ALDH3A1: variants seen among roughly 807,000 people sequenced by gnomAD.
ALDH3A1 encodes the protein aldehyde dehydrogenase 3 family member A1.
ALDH3A1 carries 46 observed loss-of-function variants against 49.9 expected under a neutral mutation model. The observed-to-expected ratio is 0.92, with a 90% CI of 0.73 to 1.18. The LOEUF (loss-of-function observed/expected upper bound fraction) is 1.18. ALDH3A1 is among the 50% of genes most tolerant of loss of function. The pLI is 0.00. For missense variants in ALDH3A1, 592 were observed against 611.8 expected, an observed-to-expected ratio of 0.97 and a Z score of 0.34; for synonymous variants, 269 against 253.3, an observed-to-expected ratio of 1.06 and a Z score of -0.59.
chr17:19,740,563 G>A, intron 6 of ALDH3A1, 86 bp from the exon 7 acceptor site: 1 of 1,485,140 alleles, frequency 6.7e-7, no homozygotes, highest in South Asian at 1.2e-5. Flanking sequence ...AGCAGTGTCT[G>A]TCTTTGGGTG....
At chr17:19,746,972 C>T (rs1313807814) in intron 1 of ALDH3A1, among the ~76,000 whole-genome samples, 2 of 152,014 alleles carry the variant, frequency 1.3e-5, no homozygotes, top group Non-Finnish European at 2.9e-5. Context: ...AAAAAGTCTG[C>T]CTCCCTCCTC....
At chr17:19,744,457 C>T (rs1190996127) in intron 2 of ALDH3A1, 7 of 985,178 alleles carry the variant, frequency 7.1e-6, no homozygotes, top group Middle Eastern at 1.0e-3. Flanking sequence ...AGAGGGTAGT[C>T]GGTGGGAGGA....
chr17:19,747,694 C>A (rs373237813), intron 1 of ALDH3A1, among the ~76,000 whole-genome samples: 1 of 152,250 alleles, frequency 6.6e-6, no homozygotes, highest in Admixed American at 6.5e-5. Flanking sequence ...CAGAGCCCGT[C>A]GCCTCACACC....
rs565704674 is a variant in ALDH3A1, at chr17:19,748,252, G to T, written c.-6+7C>A. 7.2e-5 allele frequency: 36 copies of T among 497,812 alleles called. 1 individual carries two copies. The highest frequency in any genetic ancestry group is 4.9e-4 in the South Asian group (34 of 68,910). The allele number at this position is 497,812 out of a possible 1,614,324, so 30.8% of individuals were successfully genotyped here. A position where few individuals can be genotyped will look rare whatever the true frequency, so the allele number is the denominator to read the frequency against. On this transcript the variant is annotated splice_region_variant and intron_variant, in intron 1 of 10. Transcript: ENST00000225740. This position sits in a 1 kb window ranked among gnomAD's most constrained non-coding sequence, Gnocchi z 4.4. ...GAAAAAATAAGGAATGCAGGGAAGA[G>T]GATTACCTTTGACACAGCCTCTCCC...
intron 5 of ALDH3A1, among the ~76,000 whole-genome samples, 185 bp downstream of exon 5, chr17:19,741,818 TC>T (rs2086497707): frequency 6.6e-6 from 1 of 152,104 alleles, no homozygotes; most frequent in Non-Finnish European, 1.5e-5. Context: ...CTTCTGGGAC[TC>T]CCCACACGTC....
intron 1 of ALDH3A1, 59 bp from the exon 2 acceptor site, chr17:19,745,193 C>A: frequency 4.7e-6 from 7 of 1,491,612 alleles, no homozygotes; most frequent in Non-Finnish European, 6.2e-6. Flanking sequence ...TGCCTCCCAC[C>A]CTGCCTGAAT....
At chr17:19,745,231 G>A (rs1025539193) in intron 1 of ALDH3A1, 97 bp from the exon 2 acceptor site, 2 of 1,319,248 alleles carry the variant, frequency 1.5e-6, no homozygotes, top group African/African-American at 1.5e-5. Context: ...CCCTGGGCTC[G>A]GCCTTGGGGA....
Position 19,748,270 on chromosome 17 carries a change from C to A in ALDH3A1, c.-17G>T, listed in dbSNP as rs750075822. 2.0e-6 allele frequency: 1 copy of A among 510,066 alleles called. No homozygotes were observed. The highest frequency in any genetic ancestry group is 1.4e-5 in the South Asian group (1 of 70,194). The allele number at this position is 510,066 out of a possible 1,614,324, so 31.6% of individuals were successfully genotyped here. ...GGGAAGAGGATTACCTTTGACACAG[C>A]CTCTCCCGGTAACTGGGGCTCCTGG... is the stretch of plus-strand genomic sequence containing the variant. On this transcript the variant is annotated 5_prime_UTR_variant, in exon 1 of 11. Coordinates refer to ENST00000225740, the MANE Select transcript of ALDH3A1 (RefSeq NM_000691.5). This position sits in a 1 kb window ranked among gnomAD's most constrained non-coding sequence, Gnocchi z 4.4.
intron 9 of ALDH3A1, 163 bp from the exon 10 acceptor site, chr17:19,738,616 C>T (rs2086432222): frequency 1.8e-6 from 2 of 1,099,544 alleles, no homozygotes; most frequent in Non-Finnish European, 2.6e-6. Context: ...CCTCAGCACC[C>T]AGCCCCAGGT....
intron 1 of ALDH3A1, 62 bp from the exon 2 acceptor site, chr17:19,745,196 G>T: frequency 8.8e-6 from 13 of 1,473,242 alleles, no homozygotes; most frequent in Non-Finnish European, 1.2e-5. Context: ...CTCCCACCCT[G>T]CCTGAATTCT....
At position 19,742,123 on chromosome 17, in the gene ALDH3A1, C is replaced by G; in HGVS notation, c.570G>C (p.Thr190=). ...CCGTCATGATGATCTTCCCCACCCCCGTGCTGCCCGTGTACAGGATATGGT... is the reference window on the plus strand; with the variant it reads ...CCGTCATGATGATCTTCCCCACCCCGGTGCTGCCCGTGTACAGGATATGGT... ...RFDHILYTGS[T]GVGKIIMTAA... Residue 190 remains threonine, a synonymous_variant, in exon 5 of 11, where the codon ACG becomes ACC. Transcript: ENST00000225740. 6.2e-6 allele frequency: 10 copies of G among 1,614,072 alleles called. No individual in the cohort carries two copies. The highest frequency in any genetic ancestry group is 8.5e-6 in the Non-Finnish European group (10 of 1,179,998).
Position 19,743,862 on chromosome 17 carries a change from G to C in ALDH3A1, c.163-399C>G. ...GATTCGGGCACTGGGAGCTGGATCC[G>C]GGCAGGGTGGAGGGAGCCAGGCCCT... On this transcript the variant is annotated intron_variant, in intron 2 of 10. Coordinates refer to ENST00000225740, the MANE Select transcript of ALDH3A1 (RefSeq NM_000691.5). This position sits in a 1 kb window ranked among gnomAD's most constrained non-coding sequence, Gnocchi z 4.4. 3 of 985,102 alleles carry C rather than the reference G, an allele frequency of 3.0e-6. No homozygotes were observed. The highest frequency in any genetic ancestry group is 3.6e-6 in the Non-Finnish European group (3 of 829,802). The allele number at this position is 985,102 out of a possible 1,614,324, so 61.0% of individuals were successfully genotyped here. A position where few individuals can be genotyped will look rare whatever the true frequency, so the allele number is the denominator to read the frequency against.
chr17:19,745,173 G>C, intron 1 of ALDH3A1, 39 bp from the exon 2 acceptor site: 3 of 1,526,532 alleles, frequency 2.0e-6, no homozygotes, highest in South Asian at 1.2e-5. Context: ...TGAGGGGCAC[G>C]AGCGCGCCCT....
At position 19,740,339 on chromosome 17, in the gene ALDH3A1, T is replaced by C. The variant is rs1567650763; in HGVS notation, c.946A>G (p.Ile316Val). Residue 316 changes from isoleucine (I) to valine (V), a missense_variant, in exon 7 of 11, where the codon ATA (isoleucine) becomes GTA (valine). Transcript: ENST00000225740. ...GTGCTCTTCAGGGGTCACGCACCTA[T>C]GTAGCGAGTGGCGGCATCCCCGGTG... ...GGTGDAATRY[I>V]APTILTDVDP... The C allele has an allele frequency of 1.2e-6, 2 of 1,613,942 alleles. No individual in the cohort carries two copies. Among genetic ancestry groups the C allele is most frequent in the Non-Finnish European group, 1.7e-6 (2 of 1,180,000 alleles).
chr17:19,739,874 T>C (rs564465925), intron 7 of ALDH3A1, among the ~76,000 whole-genome samples, 200 bp from the exon 8 acceptor site: 9 of 152,262 alleles, frequency 5.9e-5, no homozygotes, highest in Admixed American at 2.0e-4. Flanking sequence ...GGGACAACTA[T>C]AGGTTAACCT....
intron 1 of ALDH3A1, among the ~76,000 whole-genome samples, chr17:19,746,980 C>T (rs962491791): frequency 2.0e-5 from 3 of 152,100 alleles, no homozygotes; most frequent in African/African-American, 7.2e-5. Context: ...TGCCTCCCTC[C>T]TCCCTGCTCC....
At chr17:19,744,442 A>C (rs1179767522) in intron 2 of ALDH3A1, 2 of 985,174 alleles carry the variant, frequency 2.0e-6, no homozygotes, top group Non-Finnish European at 2.4e-6. Flanking sequence ...AAAGTGCAGG[A>C]GCAAAGAGGG....
In ALDH3A1 at chr17:19,739,112, C is replaced by T. The variant is rs142114670; in HGVS notation, c.1117-17G>A. 31 of 1,607,902 alleles carry T rather than the reference C, an allele frequency of 1.9e-5. No homozygotes were observed. Among genetic ancestry groups the T allele is most frequent in the Non-Finnish European group, 2.5e-5 (30 of 1,177,530 alleles). ...CTTAATCACCTGCACCAGGACCCAG[C>T]CACTGGCCTCAGTCTCCTGCCCACA... On this transcript the variant is annotated splice_polypyrimidine_tract_variant and intron_variant, in intron 8 of 10. Transcript: ENST00000225740.
In ALDH3A1 at chr17:19,742,017, C is replaced by T; in HGVS notation, c.676G>A (p.Asp226Asn). The T allele has an allele frequency of 6.2e-7, 1 of 1,613,792 alleles. No individual in the cohort carries two copies. Among genetic ancestry groups the T allele is most frequent in the Non-Finnish European group, 8.5e-7 (1 of 1,180,010 alleles). ...CGTGCCTCTCACCGGCAGGCCACGTCCAGGTCACAGTTCTTGTCCACGTAG... is the reference window on the plus strand; with the variant it reads ...CGTGCCTCTCACCGGCAGGCCACGTTCAGGTCACAGTTCTTGTCCACGTAG... ...PCYVDKNCDLDVACRRIAWGK... is the reference protein window; with the variant it reads ...PCYVDKNCDLNVACRRIAWGK... The change falls in exon 5 of 11, where the codon GAC (aspartate) becomes AAC (asparagine). Residue 226 changes from aspartate to asparagine, a missense_variant. Coordinates refer to ENST00000225740, the MANE Select transcript of ALDH3A1 (RefSeq NM_000691.5).
Sources: allele counts gnomAD v4.1 joint callset (sites outside exome capture counted in the v4.1 genomes callset), GRCh38; gene constraint gnomAD v4.1.1; non-coding constraint Gnocchi (gnomAD v3.1); transcripts MANE v1.5; gene names NCBI Gene and HGNC (gene_info 2026-07-23, HGNC 2026-07-21).